The following INSR variants were observed in gnomAD, a reference collection of about 807,000 sequenced individuals.
INSR encodes insulin receptor, also known as IR.
In INSR, 67 loss-of-function variants were observed where a neutral mutation model predicts 142.6. That is an observed-to-expected ratio of 0.47 (90% CI 0.39 to 0.58). The LOEUF (loss-of-function observed/expected upper bound fraction) is 0.58. Among genes scored for constraint, INSR ranks in the 20% least tolerant of loss-of-function variants. The probability of loss-of-function intolerance (pLI) is 0.00; values close to 1 mark genes in which losing one functional copy is unlikely to be tolerated. For synonymous variants in INSR, 756 were observed against 743.1 expected (o/e 1.02, Z -0.28); for missense variants, 1,248 against 1,833.2 (o/e 0.68, Z 5.83).
chr19:7,146,236 CT>C (rs35961932), intron 11 of INSR, among the ~76,000 whole-genome samples: 1,882 of 110,724 alleles, frequency 0.017, 64 homozygotes, highest in African/African-American at 0.036. Context: ...TTGTCAAGTT[CT>C]TTTTTTTTTT....
intron 2 of INSR, among the ~76,000 whole-genome samples, chr19:7,261,440 C>G (rs1977059926): frequency 6.6e-6 from 1 of 152,158 alleles, no homozygotes; most frequent in South Asian, 2.1e-4. Flanking sequence ...TGCCCCAAAT[C>G]CATTGCAGGA....
intron 13 of INSR, among the ~76,000 whole-genome samples, chr19:7,134,652 C>G (rs1278937539): frequency 6.6e-6 from 1 of 151,854 alleles, no homozygotes; most frequent in Non-Finnish European, 1.5e-5. Flanking sequence ...GTAATCCCAG[C>G]TACTCGAGAG....
chr19:7,207,227 C>G (rs1975128388), intron 2 of INSR, among the ~76,000 whole-genome samples: 1 of 151,526 alleles, frequency 6.6e-6, no homozygotes, highest in South Asian at 2.1e-4. Flanking sequence ...ACCAGCCTGG[C>G]CAACATGGTG....
At chr19:7,266,400 T>A (rs79658713) in intron 2 of INSR, among the ~76,000 whole-genome samples, 1 of 151,744 alleles carries the variant, frequency 6.6e-6, no homozygotes, top group Non-Finnish European at 1.5e-5. Context: ...TTTTTTTTTT[T>A]TTGAGAAGGA....
chr19:7,285,607 G>A (rs753956098), intron 1 of INSR, among the ~76,000 whole-genome samples: 1 of 152,068 alleles, frequency 6.6e-6, no homozygotes, highest in Non-Finnish European at 1.5e-5. Context: ...CTGCACTCCA[G>A]CCTGGGTATC....
chr19:7,148,328 T>C (rs1424946230), intron 11 of INSR, among the ~76,000 whole-genome samples: 1 of 152,112 alleles, frequency 6.6e-6, no homozygotes, highest in African/African-American at 2.4e-5. Context: ...CTGAAGATAT[T>C]TTTGGTTATT....
intron 1 of INSR, among the ~76,000 whole-genome samples, chr19:7,286,198 G>A (rs147415636): frequency 0.01 from 1,539 of 151,900 alleles, 24 homozygotes; most frequent in African/African-American, 0.036. Flanking sequence ...ACCCAGGCTG[G>A]TCTTGAACTC....
At chr19:7,137,760 C>G (rs1160306172) in intron 13 of INSR, among the ~76,000 whole-genome samples, 5 of 121,668 alleles carry the variant, frequency 4.1e-5, no homozygotes, top group Non-Finnish European at 6.5e-5. Context: ...GCACTCCAGC[C>G]CGGATGACAG....
intron 13 of INSR, among the ~76,000 whole-genome samples, chr19:7,137,383 C>T (rs1383124836): frequency 6.6e-6 from 1 of 152,026 alleles, no homozygotes; most frequent in Non-Finnish European, 1.5e-5. Context: ...TGCTGGGATG[C>T]ACTCTGTCTT....
At chr19:7,123,246 G>T in intron 17 of INSR, 1 of 450,018 alleles carries the variant, frequency 2.2e-6, no homozygotes, top group East Asian at 4.4e-5. Flanking sequence ...TCGGCTCACT[G>T]CAACCTTTGC....
intron 13 of INSR, among the ~76,000 whole-genome samples, chr19:7,141,264 AG>A (rs1337072365): frequency 6.6e-6 from 1 of 152,152 alleles, no homozygotes; most frequent in Non-Finnish European, 1.5e-5. Flanking sequence ...CATGTTGGCC[AG>A]GCTGGTCTCA....
In INSR at chr19:7,166,026, C is replaced by A. The variant is rs1165134080; in HGVS notation, c.1861+128G>T. 4 of 1,057,464 alleles carry A rather than the reference C, an allele frequency of 3.8e-6. No individual in the cohort carries two copies. The highest frequency in any genetic ancestry group is 4.2e-6 in the Non-Finnish European group (3 of 720,848). The allele number at this position is 1,057,464 out of a possible 1,614,324, so 65.5% of individuals were successfully genotyped here. ...TCTAGCCTGGGTGACAAAGTAAGAC[C>A]CTGTCTAAAAAAAAAAAAAAAGCCA... is the stretch of plus-strand genomic sequence containing the variant. On this transcript the variant is annotated intron_variant, in intron 8 of 21. Coordinates refer to ENST00000302850, the MANE Select transcript of INSR (RefSeq NM_000208.4). This position sits in a 1 kb window ranked among gnomAD's most constrained non-coding sequence, Gnocchi z 4.1.
At chr19:7,172,582 T>A in intron 4 of INSR, 148 bp from the exon 5 acceptor site, 1 of 859,780 alleles carries the variant, frequency 1.2e-6, no homozygotes, top group South Asian at 1.4e-5. Context: ...CAATCTGAAG[T>A]CCTTAGCATT....
At chr19:7,292,819 G>A (rs1021514868) in intron 1 of INSR, among the ~76,000 whole-genome samples, 1 of 152,142 alleles carries the variant, frequency 6.6e-6, no homozygotes, top group Non-Finnish European at 1.5e-5. Context: ...TGGGAGAGGG[G>A]CCCATGGGGT....
chr19:7,164,173 G>C (rs1019230216), intron 8 of INSR, among the ~76,000 whole-genome samples: 1 of 150,222 alleles, frequency 6.7e-6, no homozygotes, highest in African/African-American at 2.4e-5. Context: ...TTGGCTTTTA[G>C]GACTGGATAA....
chr19:7,229,760 CTTTTT>C (rs71177180), intron 2 of INSR, among the ~76,000 whole-genome samples: 96 of 87,520 alleles, frequency 1.1e-3, no homozygotes, highest in African/African-American at 4.3e-3. Context: ...CATTTACAGT[CTTTTT>C]TTTTTTTTTT....
chr19:7,175,947 T>C (rs535636803), intron 3 of INSR, among the ~76,000 whole-genome samples: 2 of 152,198 alleles, frequency 1.3e-5, no homozygotes, highest in East Asian at 3.9e-4. Flanking sequence ...CATTACCCTA[T>C]GGTTGCAGGT....
intron 1 of INSR, among the ~76,000 whole-genome samples, chr19:7,288,082 C>T (rs948936969): frequency 4.0e-5 from 6 of 151,840 alleles, no homozygotes; most frequent in Non-Finnish European, 5.9e-5. Flanking sequence ...CTTAGCTGGG[C>T]GCAATGGTTC....
intron 2 of INSR, among the ~76,000 whole-genome samples, chr19:7,251,961 C>T (rs1976741697): frequency 6.6e-6 from 1 of 152,144 alleles, no homozygotes; most frequent in Non-Finnish European, 1.5e-5. Context: ...CGATTCCACT[C>T]CTAGGTATAA....
Sources: gnomAD v4.1 joint callset for allele counts (sites outside exome capture counted in the v4.1 genomes callset) on GRCh38, gnomAD v4.1.1 for gene constraint, Gnocchi (gnomAD v3.1) non-coding constraint, MANE v1.5 for transcripts, NCBI Gene and HGNC (gene_info 2026-07-23, HGNC 2026-07-21) for gene names.